Variants in FOXP2 observed in about 807,000 individuals in gnomAD.
FOXP2 encodes the protein forkhead box P2.
Under a neutral mutation model 115.8 loss-of-function variants are expected in FOXP2, and 12 were observed. That is an observed-to-expected ratio of 0.10 (90% CI 0.07 to 0.17). FOXP2 has a LOEUF of 0.17. Among genes scored for constraint, FOXP2 ranks in the 10% least tolerant of loss-of-function variants. The pLI, the probability that FOXP2 is intolerant of heterozygous loss-of-function variation, is 1.00. For synonymous variants in FOXP2, 328 were observed against 297.7 expected (o/e 1.10, Z -1.05); for missense variants, 629 against 843.5 (o/e 0.75, Z 3.15).
rs766020871 is a variant in FOXP2 at position 114,659,362 on chromosome 7, C to T, written c.1475C>T (p.Ala492Val). 1.9e-6 allele frequency: 3 copies of T among 1,607,748 alleles called. No individual in the cohort carries two copies. Among genetic ancestry groups the T allele is most frequent in the Admixed American group, 3.3e-5 (2 of 59,934 alleles). Reference protein sequence around the residue: ...KYNIPMSSEIAPNYEFYKNAD... With the variant: ...KYNIPMSSEIVPNYEFYKNAD... The stretch of plus-strand genomic sequence containing the variant: ...CTAGTTTTTATTTTTATAGAAATTG[C>T]CCCAAACTATGAATTTTATAAAAAT... Residue 492 changes from alanine (A) to valine (V), a missense_variant, in exon 12 of 17, where the codon GCC (alanine) becomes GTC (valine). By Grantham distance (64) the Ala-to-Val change is moderately conservative (BLOSUM62 0). Coordinates refer to ENST00000350908, the MANE Select transcript of FOXP2 (RefSeq NM_014491.4).
At chr7:114,602,136 T>A (rs1267778473) in intron 3 of FOXP2, among the ~76,000 whole-genome samples, 2 of 152,068 alleles carry the variant, frequency 1.3e-5, no homozygotes, top group African/African-American at 4.8e-5. Context: ...GTTGTGTAAT[T>A]TTTTCCTTTA....
intron 2 of FOXP2, among the ~76,000 whole-genome samples, chr7:114,516,259 A>G (rs1199918212): frequency 6.6e-6 from 1 of 152,212 alleles, no homozygotes; most frequent in African/African-American, 2.4e-5. Context: ...AATGCCGCAT[A>G]TCTACAACCA....
intron 2 of FOXP2, among the ~76,000 whole-genome samples, chr7:114,342,658 C>A (rs1584650924): frequency 6.6e-6 from 1 of 151,378 alleles, no homozygotes; most frequent in African/African-American, 2.4e-5. Flanking sequence ...TGTTTCACAT[C>A]AAAGTTATTT....
chr7:114,267,771 AT>A (rs1353836983), intron 1 of FOXP2, among the ~76,000 whole-genome samples: 2 of 146,334 alleles, frequency 1.4e-5, no homozygotes, highest in African/African-American at 5.2e-5. Context: ...AAATAAATAA[AT>A]AAATAAATAA....
chr7:114,249,535 G>T lies in FOXP2; in HGVS notation c.-101-38484G>T, dbSNP rs1419773779. Among the ~76,000 whole-genome samples, 7 of 152,110 alleles carry T rather than the reference G, an allele frequency of 4.6e-5. No individual in the cohort carries two copies. The East Asian group carries it at 1.3e-3, about 29-fold the overall frequency. On this transcript the variant is annotated intron_variant, in intron 1 of 17. Coordinates refer to the FOXP2 transcript ENST00000634411. ...CAGCTCCATCCATGCCACTGCAAAGGACATGATCTCTTTCCTTTGTATGGC... is the reference window on the plus strand; with the variant it reads ...CAGCTCCATCCATGCCACTGCAAAGTACATGATCTCTTTCCTTTGTATGGC...
At chr7:114,381,925 A>G (rs1489348680) in intron 2 of FOXP2, among the ~76,000 whole-genome samples, 4 of 152,072 alleles carry the variant, frequency 2.6e-5, no homozygotes, top group Non-Finnish European at 1.5e-5. Context: ...TTGCTTGTCC[A>G]TATTGTCCTT....
At chr7:114,637,027 A>C (rs1313776156) in intron 6 of FOXP2, among the ~76,000 whole-genome samples, 1 of 152,106 alleles carries the variant, frequency 6.6e-6, no homozygotes, top group African/African-American at 2.4e-5. Flanking sequence ...TAAAATAATT[A>C]GCTGAGCATG....
At chr7:114,430,332 C>G (rs1198841502) in intron 2 of FOXP2, among the ~76,000 whole-genome samples, 4 of 151,518 alleles carry the variant, frequency 2.6e-5, no homozygotes, top group Non-Finnish European at 5.9e-5. Context: ...AAATATGTAT[C>G]AAAATATTTT....
At chr7:114,184,599 G>A (rs183345392) in intron 1 of FOXP2, among the ~76,000 whole-genome samples, 1 of 152,222 alleles carries the variant, frequency 6.6e-6, no homozygotes, top group African/African-American at 2.4e-5. Context: ...CTCAGGGTGA[G>A]GTTCGCCTTC....
chr7:114,306,472 T>C (rs1218782062), intron 2 of FOXP2, among the ~76,000 whole-genome samples: 1 of 152,162 alleles, frequency 6.6e-6, no homozygotes, highest in African/African-American at 2.4e-5. Flanking sequence ...GGTTATTCAC[T>C]GCAAACACAA....
chr7:114,468,784 A>C (rs1795920143), intron 2 of FOXP2, among the ~76,000 whole-genome samples: 1 of 152,130 alleles, frequency 6.6e-6, no homozygotes, highest in Non-Finnish European at 1.5e-5. Context: ...CCTGCAAACT[A>C]CTGTGAGCTT....
chr7:114,285,255 A>G (rs1352193773), intron 1 of FOXP2: 1 of 152,168 alleles, frequency 6.6e-6, no homozygotes, highest in Non-Finnish European at 1.5e-5. Context: ...AAAAAATCAA[A>G]TGGAATATAG....
chr7:114,562,291 A>G (rs1800794017), intron 3 of FOXP2, among the ~76,000 whole-genome samples: 1 of 152,166 alleles, frequency 6.6e-6, no homozygotes, highest in African/African-American at 2.4e-5. Context: ...ACTTTAGGCT[A>G]GTGTTCACTG....
In FOXP2 at chr7:114,676,556, A is replaced by T. The variant is rs542698142; in HGVS notation, c.2003+12120A>T. On this transcript the variant is annotated intron_variant, in intron 16 of 16. Transcript: ENST00000350908. Reference sequence around the variant, plus strand: ...CTTTTTGAATGTTCTCTGGGGAGTAACATTTTTTAGAGTAATGATCCATGA... The same window carrying T: ...CTTTTTGAATGTTCTCTGGGGAGTATCATTTTTTAGAGTAATGATCCATGA... Among the ~76,000 whole-genome samples, 13 of 152,296 alleles carry T rather than the reference A, an allele frequency of 8.5e-5. No homozygotes were observed. The East Asian group carries it at 2.5e-3, about 29-fold the overall frequency.
chr7:114,329,264 T>C (rs1027363303), intron 2 of FOXP2, among the ~76,000 whole-genome samples: 2 of 152,172 alleles, frequency 1.3e-5, no homozygotes, highest in African/African-American at 4.8e-5. Context: ...ACGCCTGTAA[T>C]CCCAGCACTT....
chr7:114,208,141 A>T (rs1310743275), intron 1 of FOXP2, among the ~76,000 whole-genome samples: 1 of 152,178 alleles, frequency 6.6e-6, no homozygotes, highest in African/African-American at 2.4e-5. Context: ...CATGAAAGCA[A>T]CTGGGAGAGA....
intron 1 of FOXP2, among the ~76,000 whole-genome samples, chr7:114,132,703 A>C (rs905135187): frequency 6.6e-6 from 1 of 151,886 alleles, no homozygotes; most frequent in Non-Finnish European, 1.5e-5. Flanking sequence ...AAATCAGTGA[A>C]GGAAAGGAAA....
At position 114,506,676 on chromosome 7, in the gene FOXP2, G is replaced by T. The variant is rs980060186; in HGVS notation, c.169-27941G>T. Among the ~76,000 whole-genome samples the T allele has an allele frequency of 4.0e-5, 6 of 151,554 alleles. No homozygotes were observed. The East Asian group carries it at 1.2e-3, about 29-fold the overall frequency. On this transcript the variant is annotated intron_variant, in intron 2 of 16. Transcript: ENST00000350908. ...AAGATGTTTAAATGTCAGCATCAAA[G>T]GTTATACCAAATATTTCACATTTAT...
chr7:114,287,544 C>T (rs1311853641), intron 1 of FOXP2, among the ~76,000 whole-genome samples: 3 of 151,974 alleles, frequency 2.0e-5, no homozygotes, highest in African/African-American at 7.2e-5. Flanking sequence ...ATGATCCTTA[C>T]ATTGTGATTA....
Sources: allele counts gnomAD v4.1 joint callset (sites outside exome capture counted in the v4.1 genomes callset), GRCh38; gene constraint gnomAD v4.1.1; transcripts MANE v1.5; gene names NCBI Gene and HGNC (gene_info 2026-07-23, HGNC 2026-07-21).